The following TEK variants were observed in gnomAD, a reference collection of about 807,000 sequenced individuals.
TEK encodes angiopoietin-1 receptor.
Under a neutral mutation model 131.8 loss-of-function variants are expected in TEK, and 43 were observed. The observed-to-expected ratio is 0.33, with a 90% CI of 0.26 to 0.42. The LOEUF (loss-of-function observed/expected upper bound fraction) is 0.42. Among genes scored for constraint, TEK ranks in the 10% least tolerant of loss-of-function variants. The pLI, the probability that TEK is intolerant of heterozygous loss-of-function variation, is 1.00. For synonymous variants in TEK, 580 were observed against 491.6 expected (o/e 1.18, Z -2.38); for missense variants, 1,162 against 1,384.4 (o/e 0.84, Z 2.55).
intron 6 of TEK, among the ~76,000 whole-genome samples, chr9:27,175,285 A>G (rs973852909): frequency 4.7e-5 from 7 of 150,358 alleles, no homozygotes; most frequent in East Asian, 2.0e-4. Flanking sequence ...ATGATTTCCA[A>G]TTTCATCCAT....
At chr9:27,116,817 T>C (rs1253401904) in intron 1 of TEK, among the ~76,000 whole-genome samples, 4 of 151,382 alleles carry the variant, frequency 2.6e-5, no homozygotes, top group African/African-American at 9.7e-5. Context: ...ATTCCTATCC[T>C]GGGACTTTAG....
Position 27,213,483 on chromosome 9 carries a change from G to T in TEK, c.2878-1G>T. On this transcript the variant is annotated splice_acceptor_variant, in intron 17 of 22. Coordinates refer to ENST00000380036, the MANE Select transcript of TEK (RefSeq NM_000459.5). LOFTEE classifies it high-confidence loss of function. Reference sequence around the variant, plus strand: ...ATACATAATGTTTTCAAAAATTTCAGTTTATCCACAGGGATCTGGCTGCCA... The same window carrying T: ...ATACATAATGTTTTCAAAAATTTCATTTTATCCACAGGGATCTGGCTGCCA... 1 of 1,612,940 alleles carries T rather than the reference G, an allele frequency of 6.2e-7. No homozygotes were observed. The highest frequency in any genetic ancestry group is 8.5e-7 in the Non-Finnish European group (1 of 1,179,020).
rs1178178451 is a variant in TEK, at chr9:27,204,977, G to T, written c.2276G>T (p.Cys759Phe). ...ATCCTTGGCTCTGCTGGAATGACCT[G>T]CCTGACTGTGCTGTTGGCCTTTCTG... ...IAILGSAGMT[C>F]LTVLLAFLII... The change falls in exon 14 of 23, where the codon TGC (cysteine) becomes TTC (phenylalanine). Residue 759 changes from cysteine to phenylalanine, a missense_variant. Transcript: ENST00000380036. The T allele has an allele frequency of 5.6e-6, 9 of 1,613,958 alleles. No homozygotes were observed. Among genetic ancestry groups the T allele is most frequent in the Admixed American group, 1.7e-5 (1 of 59,996 alleles).
chr9:27,211,730 A>G (rs954652705), intron 16 of TEK, among the ~76,000 whole-genome samples: 7 of 152,100 alleles, frequency 4.6e-5, no homozygotes, highest in African/African-American at 1.7e-4. Flanking sequence ...TTGGCCTCCC[A>G]GAGTGCCGGG....
chr9:27,133,379 T>C (rs1244571089), intron 1 of TEK, among the ~76,000 whole-genome samples: 4 of 152,224 alleles, frequency 2.6e-5, no homozygotes, highest in Non-Finnish European at 4.4e-5. Flanking sequence ...TCTGAGTCTG[T>C]CTTTTGCCCT....
chr9:27,155,311 A>G (rs1331199939), intron 1 of TEK, among the ~76,000 whole-genome samples: 1 of 152,190 alleles, frequency 6.6e-6, no homozygotes, highest in Non-Finnish European at 1.5e-5. Flanking sequence ...CCTAACTTGT[A>G]TTCTCTGTCC....
intron 1 of TEK, among the ~76,000 whole-genome samples, chr9:27,146,293 A>G (rs1822916825): frequency 6.6e-6 from 1 of 152,244 alleles, no homozygotes; most frequent in Admixed American, 6.5e-5. Flanking sequence ...GTTAATATAC[A>G]GTATAATTGG....
At chr9:27,156,052 C>T (rs1046697465) in intron 1 of TEK, among the ~76,000 whole-genome samples, 1 of 152,266 alleles carries the variant, frequency 6.6e-6, no homozygotes, top group East Asian at 1.9e-4. Flanking sequence ...ATCCCCCTGC[C>T]TCGGCCTCCC....
At chr9:27,147,371 T>G (rs1409155046) in intron 1 of TEK, among the ~76,000 whole-genome samples, 1 of 152,178 alleles carries the variant, frequency 6.6e-6, no homozygotes, top group East Asian at 1.9e-4. Context: ...TTATTTGCCA[T>G]CTATACATTT....
At chr9:27,138,299 TGCTGATTGGTCCATTTTGCAGAGA>T (rs369214984) in intron 1 of TEK, among the ~76,000 whole-genome samples, 3 of 151,988 alleles carry the variant, frequency 2.0e-5, no homozygotes, top group African/African-American at 4.9e-5. Flanking sequence ...GCCCACATCC[TGCTGATTGGTCCATTTTGCAGAGA>T]GCTGATTGGT....
intron 6 of TEK, among the ~76,000 whole-genome samples, chr9:27,173,736 GGTT>G (rs1462393210): frequency 1.3e-5 from 1 of 79,584 alleles, no homozygotes; most frequent in African/African-American, 5.0e-5. Flanking sequence ...TTTTTTTTTT[GGTT>G]TTTTTTTTTT....
At chr9:27,205,135 T>C (rs1408884200) in intron 14 of TEK, 70 bp downstream of exon 14, 18 of 1,583,468 alleles carry the variant, frequency 1.1e-5, no homozygotes, top group Non-Finnish European at 6.1e-6. Context: ...ACTTTAAAGA[T>C]ATGGACCAGG....
chr9:27,215,676 T>C lies in TEK; in HGVS notation c.2992-2012T>C, dbSNP rs145102195. Among the ~76,000 whole-genome samples the C allele has an allele frequency of 2.1e-3, 321 of 152,206 alleles. 1 individual carries two copies. Among genetic ancestry groups the C allele is most frequent in the Non-Finnish European group, 3.3e-3 (226 of 68,006 alleles). ...ATCATAGATTAATATATCCATCCCG[T>C]CATCATGGATTTGTTAGTACAATGT... On this transcript the variant is annotated intron_variant, in intron 18 of 22. Transcript: ENST00000380036.
intron 19 of TEK, among the ~76,000 whole-genome samples, chr9:27,218,180 C>T (rs573918): frequency 0.85 from 123,944 of 145,890 alleles, 52,969 homozygotes; most frequent in East Asian, 1. Context: ...CAGAGGCTGG[C>T]GGTGAAAGGA....
intron 1 of TEK, among the ~76,000 whole-genome samples, chr9:27,124,393 C>T (rs750271511): frequency 6.6e-6 from 1 of 152,216 alleles, no homozygotes; most frequent in Admixed American, 6.5e-5. Context: ...CACATATCAT[C>T]TTTCTTGGAT....
In TEK at chr9:27,222,551, G is replaced by T. The variant is rs551569275; in HGVS notation, c.3200+2406G>T. ...CCCTACGAGCCAGAAGAGAGTGGGGGCCAGTATTCAACATTCTTAAGAGAA... is the reference window on the plus strand; with the variant it reads ...CCCTACGAGCCAGAAGAGAGTGGGGTCCAGTATTCAACATTCTTAAGAGAA... On this transcript the variant is annotated intron_variant, in intron 21 of 22. Coordinates refer to ENST00000380036, the MANE Select transcript of TEK (RefSeq NM_000459.5). Among the ~76,000 whole-genome samples the T allele has an allele frequency of 4.1e-4, 63 of 152,258 alleles. 1 individual carries two copies. The South Asian group carries it at 0.013, about 31-fold the overall frequency.
intron 1 of TEK, among the ~76,000 whole-genome samples, chr9:27,145,950 T>A (rs2131095101): frequency 6.6e-6 from 1 of 152,332 alleles, no homozygotes; most frequent in Admixed American, 6.5e-5. Context: ...AATAAGTGAA[T>A]ATCTTCTATG....
intron 7 of TEK, among the ~76,000 whole-genome samples, chr9:27,180,742 A>G (rs1486206264): frequency 6.6e-6 from 1 of 152,202 alleles, no homozygotes; most frequent in Non-Finnish European, 1.5e-5. Flanking sequence ...TTTTAAAGCA[A>G]TAGAAAGAAT....
At chr9:27,153,343 G>A (rs533757210) in intron 1 of TEK, among the ~76,000 whole-genome samples, 1 of 152,180 alleles carries the variant, frequency 6.6e-6, no homozygotes, top group Non-Finnish European at 1.5e-5. Context: ...CCAGCTACTC[G>A]AGAGGCTGAG....
Sources: allele counts gnomAD v4.1 joint callset (sites outside exome capture counted in the v4.1 genomes callset), GRCh38; gene constraint gnomAD v4.1.1; transcripts MANE v1.5; gene names NCBI Gene and HGNC (gene_info 2026-07-23, HGNC 2026-07-21).